Variants in IGDCC3 observed in about 807,000 individuals in gnomAD.
IGDCC3 encodes putative neuronal cell adhesion molecule.
IGDCC3 carries 47 observed loss-of-function variants against 72.0 expected under a neutral mutation model. The observed-to-expected ratio is 0.65, with a 90% CI of 0.52 to 0.83. The LOEUF (loss-of-function observed/expected upper bound fraction) is 0.83, where lower values mean the gene tolerates loss of function less well. IGDCC3 is among the 40% of genes least tolerant of loss of function. The pLI is 0.00. For missense variants in IGDCC3, 1,038 were observed against 1,091.3 expected (o/e 0.95, Z 0.69); for synonymous variants, 477 against 472.8 (o/e 1.01, Z -0.11).
chr15:65,356,848 C>CTGTTTTTTTTTTTTTTT (rs2091224989), intron 2 of IGDCC3, among the ~76,000 whole-genome samples: 1 of 70,888 alleles, frequency 1.4e-5, no homozygotes, highest in Non-Finnish European at 2.6e-5. Context: ...AATGGACCTG[C>CTGTTTTTTTTTTTTTTT]TTTTTTTTTT....
intron 9 of IGDCC3, 22 bp from the exon 10 acceptor site, chr15:65,330,763 A>T: frequency 6.4e-7 from 1 of 1,564,394 alleles, no homozygotes; most frequent in South Asian, 1.1e-5. Flanking sequence ...GAAGGAGGCC[A>T]CGATGTGAGG....
intron 2 of IGDCC3, among the ~76,000 whole-genome samples, chr15:65,354,230 C>G (rs112376157): frequency 6.6e-6 from 1 of 152,166 alleles, no homozygotes. Context: ...TCTTAATAAA[C>G]TTTGCACTGC....
chr15:65,343,965 C>T (rs970985182), intron 2 of IGDCC3, among the ~76,000 whole-genome samples: 1 of 152,178 alleles, frequency 6.6e-6, no homozygotes, highest in African/African-American at 2.4e-5. Flanking sequence ...GTCCCAGGTA[C>T]CCATCATCTG....
At position 65,377,732 on chromosome 15, in the gene IGDCC3, C is replaced by T; in HGVS notation, c.57G>A (p.Arg19=). 2 of 1,360,084 alleles carry T rather than the reference C, an allele frequency of 1.5e-6. No individual in the cohort carries two copies. The highest frequency in any genetic ancestry group is 1.9e-6 in the Non-Finnish European group (2 of 1,060,366). 84.3% of individuals were successfully genotyped at this position (1,360,084 alleles called of 1,614,324 possible). A position where few individuals can be genotyped will look rare whatever the true frequency, so the allele number is the denominator to read the frequency against. ...GCAGCAACAGCAGCGGCAGCAGGAG[C>T]CGGGGCCAGAGCGGGGCGGGCGGGC... ...PRRPPAPLWP[R]LLLPLLLLLL... is the part of the protein sequence containing the mutation. Residue 19 remains arginine (R), a synonymous_variant, in exon 1 of 14, where the codon CGG becomes CGA. Transcript: ENST00000327987. The surrounding 1 kb of genome is among the most constrained non-coding windows in gnomAD (Gnocchi z 4.9).
At chr15:65,334,184 C>T (rs549814881) in intron 5 of IGDCC3, among the ~76,000 whole-genome samples, 4 of 152,278 alleles carry the variant, frequency 2.6e-5, no homozygotes, top group South Asian at 2.1e-4. Flanking sequence ...GTTTCCTTCC[C>T]GAGTGACCTT....
At chr15:65,366,662 A>G (rs1350540996) in intron 2 of IGDCC3, among the ~76,000 whole-genome samples, 1 of 152,152 alleles carries the variant, frequency 6.6e-6, no homozygotes, top group East Asian at 1.9e-4. Flanking sequence ...TTCCTGCCTG[A>G]GTCAGGTGAG....
Position 65,333,405 on chromosome 15 carries a change from A to C in IGDCC3, c.834T>G (p.Pro278=), listed in dbSNP as rs1272412237. 6.2e-7 allele frequency: 1 copy of C among 1,602,882 alleles called. No individual in the cohort carries two copies. ...IVSWSRLDGR[P]IGVEGIQVLG... is the part of the protein sequence containing the mutation. ...GCACCTGGATGCCCTCCACCCCGAT[A>C]GGGCGACCATCTGCAGAGGAAGGGG... The change falls in exon 6 of 14, where the codon CCT becomes CCG. Residue 278 remains proline (P), a synonymous_variant. Coordinates refer to ENST00000327987, the MANE Select transcript of IGDCC3 (RefSeq NM_004884.4).
intron 3 of IGDCC3, 59 bp downstream of exon 3, chr15:65,335,753 C>T (rs1353892942): frequency 1.1e-5 from 17 of 1,585,804 alleles, no homozygotes; most frequent in Middle Eastern, 1.7e-4. Context: ...TCCTTCTCTA[C>T]GGCCAGAGTC....
At position 65,327,798 on chromosome 15, in the gene IGDCC3, C is replaced by T. The variant is rs1001718497; in HGVS notation, c.*1111G>A. On this transcript the variant is annotated 3_prime_UTR_variant, in exon 14 of 14. Transcript: ENST00000327987. Reference sequence around the variant, plus strand: ...GGGGCGCCTCTGCAGGGGACACCCACACCCCCTCACCCTCCCACACACCCA... The same window carrying T: ...GGGGCGCCTCTGCAGGGGACACCCATACCCCCTCACCCTCCCACACACCCA... 1 of 152,536 alleles carries T rather than the reference C, an allele frequency of 6.6e-6. No homozygotes were observed. Among genetic ancestry groups the T allele is most frequent in the Non-Finnish European group, 1.5e-5 (1 of 68,070 alleles). 9.4% of individuals were successfully genotyped at this position (152,536 alleles called of 1,614,324 possible).
intron 2 of IGDCC3, among the ~76,000 whole-genome samples, chr15:65,367,004 T>A (rs2091291341): frequency 1.3e-5 from 2 of 152,208 alleles, no homozygotes; most frequent in South Asian, 4.1e-4. Flanking sequence ...CCAGCAGGCT[T>A]GCCAGAGTGC....
In IGDCC3 at chr15:65,331,431, C is replaced by G. The variant is rs754478847; in HGVS notation, c.1377G>C (p.Leu459=). 6.2e-7 allele frequency: 1 copy of G among 1,608,260 alleles called. No individual in the cohort carries two copies. Among genetic ancestry groups the G allele is most frequent in the South Asian group, 1.1e-5 (1 of 90,332 alleles). The change falls in exon 8 of 14, where the codon CTG becomes CTC. Residue 459 remains leucine, a synonymous_variant. Transcript: ENST00000327987. ...GCGCACCAGCAGCCTTCCTGATGTG[C>G]AGGACGTAGCCGATGATCTCCTTGG... ...ANTKEIIGYV[L]HIRKAADPPE... is the part of the protein sequence containing the mutation.
intron 2 of IGDCC3, among the ~76,000 whole-genome samples, chr15:65,348,401 T>G (rs2091144429): frequency 6.6e-6 from 1 of 152,160 alleles, no homozygotes; most frequent in African/African-American, 2.4e-5. Flanking sequence ...ACAGAAGGAT[T>G]ATAGTGCAGA....
In IGDCC3 at chr15:65,331,392, A is replaced by G; in HGVS notation, c.1396+20T>C. On this transcript the variant is annotated intron_variant, in intron 8 of 13. Transcript: ENST00000327987. Reference sequence around the variant, plus strand: ...AAATAGTGAATTAGAGGAAGGGGCAACAGAGCTGGCCACGCGCACCAGCAG... The same window carrying G: ...AAATAGTGAATTAGAGGAAGGGGCAGCAGAGCTGGCCACGCGCACCAGCAG... The G allele has an allele frequency of 6.3e-7, 1 of 1,588,968 alleles. No individual in the cohort carries two copies. Among genetic ancestry groups the G allele is most frequent in the Non-Finnish European group, 8.6e-7 (1 of 1,165,308 alleles).
At chr15:65,368,444 G>A (rs1444483065) in intron 2 of IGDCC3, among the ~76,000 whole-genome samples, 2 of 152,154 alleles carry the variant, frequency 1.3e-5, no homozygotes, top group East Asian at 3.9e-4. Context: ...TGTGTTTAAG[G>A]GGCCAGCTGG....
chr15:65,348,681 G>C (rs1030867918), intron 2 of IGDCC3, among the ~76,000 whole-genome samples: 1 of 152,164 alleles, frequency 6.6e-6, no homozygotes, highest in Non-Finnish European at 1.5e-5. Flanking sequence ...ACCGACCCCG[G>C]GTTAGAGGCC....
chr15:65,336,134 G>T (rs1303459819), intron 2 of IGDCC3, among the ~76,000 whole-genome samples, 178 bp from the exon 3 acceptor site: 3 of 152,158 alleles, frequency 2.0e-5, no homozygotes, highest in African/African-American at 7.2e-5. Context: ...GCCTCCAATA[G>T]CTAGGAAACA....
intron 2 of IGDCC3, among the ~76,000 whole-genome samples, chr15:65,343,479 G>A (rs746653851): frequency 3.9e-5 from 6 of 152,104 alleles, no homozygotes; most frequent in South Asian, 2.1e-4. Context: ...TCTGCCTGGG[G>A]GCTTCACGGG....
chr15:65,370,576 A>G (rs1396310562), intron 2 of IGDCC3, among the ~76,000 whole-genome samples: 2 of 118,346 alleles, frequency 1.7e-5, no homozygotes, highest in East Asian at 5.9e-4. Context: ...ATATGTATGT[A>G]TATATATGTA....
chr15:65,355,898 C>T (rs568188681), intron 2 of IGDCC3: 2 of 309,094 alleles, frequency 6.5e-6, no homozygotes, highest in South Asian at 4.2e-5. Flanking sequence ...GGGCCCGGCC[C>T]CGGCGCACTC....
Sources: allele counts gnomAD v4.1 joint callset (sites outside exome capture counted in the v4.1 genomes callset), GRCh38; gene constraint gnomAD v4.1.1; non-coding constraint Gnocchi (gnomAD v3.1); transcripts MANE v1.5; gene names NCBI Gene and HGNC (gene_info 2026-07-23, HGNC 2026-07-21).